The following LSAMP variants were observed in gnomAD, a reference collection of about 807,000 sequenced individuals.
The protein encoded by LSAMP is limbic system associated membrane protein.
In LSAMP, 7 loss-of-function variants were observed where a neutral mutation model predicts 38.6. That is an observed-to-expected ratio of 0.18 (90% CI 0.10 to 0.34). LSAMP has a LOEUF of 0.34. Ranked by LOEUF, LSAMP falls within the 10% of genes least tolerant of loss-of-function variation. The pLI is 1.00. For synonymous variants in LSAMP, 154 were observed against 166.8 expected, an observed-to-expected ratio of 0.92 and a Z score of 0.59; for missense variants, 313 against 420.0, an observed-to-expected ratio of 0.75 and a Z score of 2.23.
intron 1 of LSAMP, among the ~76,000 whole-genome samples, chr3:116,314,402 A>G (rs1386450591): frequency 2.0e-5 from 3 of 152,224 alleles, no homozygotes; most frequent in Non-Finnish European, 4.4e-5. Flanking sequence ...TAGAACTCAT[A>G]GGCTGGTGGG....
At chr3:116,296,118 T>C (rs779086751) in intron 1 of LSAMP, among the ~76,000 whole-genome samples, 3 of 152,220 alleles carry the variant, frequency 2.0e-5, no homozygotes, top group Non-Finnish European at 4.4e-5. Flanking sequence ...AATGAACAGC[T>C]ATTGTCGTAG....
At chr3:115,966,194 G>T (rs1183071523) in intron 3 of LSAMP, among the ~76,000 whole-genome samples, 1 of 152,184 alleles carries the variant, frequency 6.6e-6, no homozygotes, top group Admixed American at 6.5e-5. Context: ...CCAAAATGTG[G>T]ATACACTGGC....
intron 1 of LSAMP, among the ~76,000 whole-genome samples, chr3:116,134,565 C>T (rs1294027435): frequency 6.6e-6 from 1 of 152,212 alleles, no homozygotes; most frequent in Non-Finnish European, 1.5e-5. Context: ...CCTCATCAGG[C>T]TTGTTGCCGT....
chr3:116,088,251 G>T (rs550704459), intron 1 of LSAMP, among the ~76,000 whole-genome samples: 1 of 151,988 alleles, frequency 6.6e-6, no homozygotes. Flanking sequence ...TTACCTATTT[G>T]TTTTCATAAA....
chr3:116,166,719 C>T (rs1396620580), intron 1 of LSAMP, among the ~76,000 whole-genome samples: 1 of 151,824 alleles, frequency 6.6e-6, no homozygotes, highest in Non-Finnish European at 1.5e-5. Flanking sequence ...AATTTTATGA[C>T]CTGATGTCAC....
chr3:116,273,683 C>CATATATATATATATATATATATAT (rs1553719897), intron 1 of LSAMP, among the ~76,000 whole-genome samples: 1 of 50,524 alleles, frequency 2.0e-5, no homozygotes, highest in African/African-American at 1.3e-4. Context: ...GAGAAAGAGG[C>CATATATATATATATATATATATAT]ATATATATAT....
chr3:116,204,014 C>T (rs1180011148), intron 1 of LSAMP, among the ~76,000 whole-genome samples: 4 of 151,774 alleles, frequency 2.6e-5, no homozygotes, highest in Non-Finnish European at 5.9e-5. Flanking sequence ...TACAGTCCCA[C>T]CAACAGTGTA....
At position 115,997,749 on chromosome 3, in the gene LSAMP, T is replaced by C. The variant is rs900737388; in HGVS notation, c.514+21766A>G. 5.2e-3 allele frequency among the ~76,000 whole-genome samples: 690 copies of C among 131,874 alleles called. 13 individuals carry two copies. The highest frequency in any genetic ancestry group is 0.014 in the African/African-American group (475 of 33,690). The allele number at this position is 131,874 out of a possible 152,430, so 86.5% of individuals were successfully genotyped here. A position where few individuals can be genotyped will look rare whatever the true frequency, so the allele number is the denominator to read the frequency against. Reference sequence around the variant, plus strand: ...ATATATATATATATATATATATATATATATACACACACATACATACACACA... The same window carrying C: ...ATATATATATATATATATATATATACATATACACACACATACATACACACA... On this transcript the variant is annotated intron_variant, in intron 3 of 6. Transcript: ENST00000490035.
chr3:115,992,957 A>G (rs922301057), intron 3 of LSAMP, among the ~76,000 whole-genome samples: 1 of 152,012 alleles, frequency 6.6e-6, no homozygotes, highest in Non-Finnish European at 1.5e-5. Flanking sequence ...CCTAGCTGAT[A>G]CTGGATGTAT....
chr3:116,138,641 A>G (rs1467956397), intron 1 of LSAMP, among the ~76,000 whole-genome samples: 50 of 152,014 alleles, frequency 3.3e-4, no homozygotes, highest in Admixed American at 3.2e-3. Flanking sequence ...GTCTCAGTAG[A>G]TGCAGCAATG....
chr3:116,414,840 T>G lies in LSAMP; in HGVS notation c.155+30037A>C, dbSNP rs183620947. ...CCAAGTAGTCATGATTGCCCATTTT[T>G]TACCCTCTGCTTTGTATTGACCAAA... On this transcript the variant is annotated intron_variant, in intron 1 of 6. Transcript: ENST00000490035. Among the ~76,000 whole-genome samples, 409 of 152,264 alleles carry G rather than the reference T, an allele frequency of 2.7e-3. 1 individual carries two copies. The highest frequency in any genetic ancestry group is 4.9e-3 in the Non-Finnish European group (331 of 68,008).
chr3:115,988,902 A>C (rs1939588013), intron 3 of LSAMP, among the ~76,000 whole-genome samples: 1 of 152,056 alleles, frequency 6.6e-6, no homozygotes, highest in African/African-American at 2.4e-5. Flanking sequence ...CATATACTTG[A>C]AAACAATTAA....
At chr3:116,302,722 G>T (rs2047427149) in intron 1 of LSAMP, among the ~76,000 whole-genome samples, 1 of 152,210 alleles carries the variant, frequency 6.6e-6, no homozygotes, top group Non-Finnish European at 1.5e-5. Context: ...TCCTATAATG[G>T]CATTTGTGCA....
At position 116,330,555 on chromosome 3, in the gene LSAMP, C is replaced by A. The variant is rs73149187; in HGVS notation, c.155+114322G>T. Among the ~76,000 whole-genome samples, 72 of 152,192 alleles carry A rather than the reference C, an allele frequency of 4.7e-4. 1 individual carries two copies. Among genetic ancestry groups the A allele is most frequent in the Admixed American group, 9.2e-4 (14 of 15,258 alleles). ...CTTAAAGGACCAGCATGCTCCCCCCCCCACAACCTTTTTATTTTTCTTTTT... is the reference window on the plus strand; with the variant it reads ...CTTAAAGGACCAGCATGCTCCCCCCACCACAACCTTTTTATTTTTCTTTTT... On this transcript the variant is annotated intron_variant, in intron 1 of 6. Transcript: ENST00000490035.
chr3:115,875,440 A>G (rs560551695), intron 3 of LSAMP, among the ~76,000 whole-genome samples: 10 of 152,116 alleles, frequency 6.6e-5, no homozygotes, highest in South Asian at 2.1e-4. Context: ...CCGTCTCTCT[A>G]TAAATAGAAA....
At position 116,117,073 on chromosome 3, in the gene LSAMP, T is replaced by C. The variant is rs73858541; in HGVS notation, c.156-30517A>G. Among the ~76,000 whole-genome samples the C allele has an allele frequency of 3.3e-3, 506 of 152,324 alleles. 4 individuals are homozygous for C. The highest frequency in any genetic ancestry group is 0.011 in the African/African-American group (477 of 41,578). On this transcript the variant is annotated intron_variant, in intron 1 of 6. Coordinates refer to ENST00000490035, the MANE Select transcript of LSAMP (RefSeq NM_002338.5). Reference sequence around the variant, plus strand: ...GGTGGTTGTCTTAAGCCACTAAGATTTGAGTAATTTTTTATGCAGCAAGGG... The same window carrying C: ...GGTGGTTGTCTTAAGCCACTAAGATCTGAGTAATTTTTTATGCAGCAAGGG...
chr3:115,832,297 T>A (rs966726158), intron 6 of LSAMP, among the ~76,000 whole-genome samples: 4 of 152,206 alleles, frequency 2.6e-5, no homozygotes, highest in Non-Finnish European at 5.9e-5. Context: ...TCAAAACACC[T>A]TAACAAAATT....
intron 1 of LSAMP, among the ~76,000 whole-genome samples, chr3:116,095,369 C>A (rs1198293466): frequency 1.3e-5 from 2 of 152,166 alleles, no homozygotes; most frequent in African/African-American, 4.8e-5. Flanking sequence ...AACACCTTGT[C>A]CAGTCATATA....
At chr3:116,108,680 G>A (rs1004650842) in intron 1 of LSAMP, among the ~76,000 whole-genome samples, 8 of 152,196 alleles carry the variant, frequency 5.3e-5, no homozygotes, top group South Asian at 2.1e-4. Flanking sequence ...TGAACAGTCC[G>A]ATTTCTAGTG....
Sources: allele counts gnomAD v4.1 joint callset (sites outside exome capture counted in the v4.1 genomes callset), GRCh38; gene constraint gnomAD v4.1.1; transcripts MANE v1.5; gene names NCBI Gene and HGNC (gene_info 2026-07-23, HGNC 2026-07-21).